Variants in NRXN3 observed in about 807,000 individuals in gnomAD.
NRXN3 encodes the protein neurexin 3.
In NRXN3, 32 loss-of-function variants were observed where a neutral mutation model predicts 137.6. The observed-to-expected ratio is 0.23, with a 90% CI of 0.18 to 0.31. The LOEUF is 0.31. Among genes scored for constraint, NRXN3 ranks in the 10% least tolerant of loss-of-function variants. The probability of loss-of-function intolerance (pLI) is 1.00; values close to 1 mark genes in which losing one functional copy is unlikely to be tolerated. For missense variants in NRXN3, 1,574 were observed against 2,062.5 expected (o/e 0.76, Z 4.59); for synonymous variants, 798 against 784.5 (o/e 1.02, Z -0.29).
chr14:78,753,340 G>A (rs1476008258), intron 8 of NRXN3, among the ~76,000 whole-genome samples: 5 of 152,060 alleles, frequency 3.3e-5, no homozygotes, highest in South Asian at 2.1e-4. Flanking sequence ...GACTTGTATC[G>A]ATTTCCATCA....
intron 15 of NRXN3, among the ~76,000 whole-genome samples, chr14:79,246,364 T>C (rs1183127903): frequency 6.6e-6 from 1 of 152,194 alleles, no homozygotes; most frequent in African/African-American, 2.4e-5. Context: ...AGCGATTACA[T>C]GGAGTTAAAT....
intron 15 of NRXN3, among the ~76,000 whole-genome samples, chr14:79,233,360 G>A (rs1175097057): frequency 6.6e-6 from 1 of 152,172 alleles, no homozygotes; most frequent in Non-Finnish European, 1.5e-5. Context: ...GGTTCACTGG[G>A]AAAGTGCTGG....
chr14:78,729,871 C>T (rs549192314), intron 8 of NRXN3, among the ~76,000 whole-genome samples: 1 of 152,146 alleles, frequency 6.6e-6, no homozygotes, highest in South Asian at 2.1e-4. Flanking sequence ...TGTGGAGGAA[C>T]AAATGAAAGA....
intron 15 of NRXN3, among the ~76,000 whole-genome samples, chr14:79,300,055 C>T (rs183635251): frequency 1.8e-4 from 28 of 152,054 alleles, no homozygotes; most frequent in South Asian, 1.2e-3. Flanking sequence ...AGGTGGAAAG[C>T]GACAAGTATC....
intron 4 of NRXN3, among the ~76,000 whole-genome samples, chr14:78,631,941 G>C (rs1035400286): frequency 2.7e-5 from 4 of 149,408 alleles, no homozygotes; most frequent in African/African-American, 9.9e-5. Flanking sequence ...CCCCGTCTCT[G>C]CTAAAAAAAA....
At chr14:78,675,331 T>C (rs1358022487) in intron 6 of NRXN3, among the ~76,000 whole-genome samples, 1 of 152,144 alleles carries the variant, frequency 6.6e-6, no homozygotes, top group Non-Finnish European at 1.5e-5. Context: ...ATGAGTGGAA[T>C]CTAAAAGTCT....
intron 16 of NRXN3, among the ~76,000 whole-genome samples, chr14:79,519,768 C>CTTTTTTTTTTTTTTTTTTTTTTTT (rs200757761): frequency 1.7e-5 from 2 of 119,396 alleles, no homozygotes; most frequent in Non-Finnish European, 3.6e-5. Flanking sequence ...AATAGTATTT[C>CTTTTTTTTTTTTTTTTTTTTTTTT]TTTTTTTTTT....
At chr14:79,384,850 T>C (rs1296438288) in intron 15 of NRXN3, among the ~76,000 whole-genome samples, 1 of 152,138 alleles carries the variant, frequency 6.6e-6, no homozygotes. Context: ...TTAAATAAAA[T>C]AATGCATGTA....
chr14:79,095,469 T>C (rs1339301118), intron 15 of NRXN3, among the ~76,000 whole-genome samples: 2 of 151,998 alleles, frequency 1.3e-5, no homozygotes, highest in African/African-American at 4.8e-5. Context: ...ATCAAGGAAC[T>C]TCATTCATTC....
At chr14:78,437,177 T>C (rs765456440) in intron 4 of NRXN3, among the ~76,000 whole-genome samples, 2 of 152,152 alleles carry the variant, frequency 1.3e-5, no homozygotes, top group Admixed American at 6.5e-5. Flanking sequence ...TTGTTATTAT[T>C]ACCCTTATAC....
chr14:78,313,410 T>C (rs1389248550), intron 4 of NRXN3, among the ~76,000 whole-genome samples: 1 of 152,210 alleles, frequency 6.6e-6, no homozygotes, highest in Non-Finnish European at 1.5e-5. Context: ...ACTTCTTTCT[T>C]AGAAATGGTT....
At chr14:79,208,059 A>G (rs1383881665) in intron 15 of NRXN3, among the ~76,000 whole-genome samples, 3 of 152,166 alleles carry the variant, frequency 2.0e-5, no homozygotes, top group African/African-American at 7.2e-5. Context: ...TGATTGTTCC[A>G]TACTTTAAAG....
At chr14:79,587,025 G>T (rs925340577) in intron 16 of NRXN3, among the ~76,000 whole-genome samples, 9 of 152,116 alleles carry the variant, frequency 5.9e-5, no homozygotes, top group African/African-American at 1.9e-4. Context: ...TCCCACTGAT[G>T]ACCATTTTAG....
At chr14:79,639,468 T>A (rs915033798) in intron 16 of NRXN3, among the ~76,000 whole-genome samples, 1 of 152,180 alleles carries the variant, frequency 6.6e-6, no homozygotes, top group African/African-American at 2.4e-5. Flanking sequence ...AGTACTAATG[T>A]GGCTTTGTTT....
intron 4 of NRXN3, among the ~76,000 whole-genome samples, chr14:78,333,384 T>G (rs1014663027): frequency 3.9e-5 from 6 of 152,162 alleles, no homozygotes; most frequent in Non-Finnish European, 5.9e-5. Flanking sequence ...TTCTAGGAAT[T>G]GAGGATGTAT....
chr14:79,810,934 A>C (rs1275433646), intron 20 of NRXN3, among the ~76,000 whole-genome samples: 1 of 152,206 alleles, frequency 6.6e-6, no homozygotes, highest in Non-Finnish European at 1.5e-5. Flanking sequence ...TGATGTTTGA[A>C]ATCTTATAGA....
Position 79,861,139 on chromosome 14 carries a change from C to T in NRXN3, c.4094-203C>T. On this transcript the variant is annotated intron_variant, in intron 20 of 20. Coordinates refer to ENST00000335750, the MANE Select transcript of NRXN3 (RefSeq NM_001330195.2). This position sits in a 1 kb window ranked among gnomAD's most constrained non-coding sequence, Gnocchi z 5.4. ...TTACACTCCCCCCTACCTTTCGCCC[C>T]CTCCTCACCATTATTGAGACCACCA... is the stretch of plus-strand genomic sequence containing the variant. 1 of 1,512,648 alleles carries T rather than the reference C, an allele frequency of 6.6e-7. No homozygotes were observed. The highest frequency in any genetic ancestry group is 2.5e-5 in the East Asian group (1 of 40,338). 93.7% of individuals were successfully genotyped at this position (1,512,648 alleles called of 1,614,324 possible).
intron 8 of NRXN3, among the ~76,000 whole-genome samples, chr14:78,736,883 A>G (rs1479526099): frequency 6.6e-6 from 1 of 152,228 alleles, no homozygotes; most frequent in Non-Finnish European, 1.5e-5. Flanking sequence ...GAGCCAGGAT[A>G]TTGCTGTGTG....
At position 78,917,520 on chromosome 14, in the gene NRXN3, A is replaced by G. The variant is rs555724016; in HGVS notation, c.2276-39722A>G. ...GACTATATATAGCCTTATATAAAGG[A>G]CTATATTAAGAATTCTTGTGAGAAG... On this transcript the variant is annotated intron_variant, in intron 10 of 20. Coordinates refer to ENST00000335750, the MANE Select transcript of NRXN3 (RefSeq NM_001330195.2). Among the ~76,000 whole-genome samples the G allele has an allele frequency of 1.4e-4, 22 of 152,350 alleles. No homozygotes were observed. The South Asian group carries it at 4.6e-3, about 32-fold the overall frequency.
Sources: gnomAD v4.1 joint callset for allele counts (sites outside exome capture counted in the v4.1 genomes callset) on GRCh38, gnomAD v4.1.1 for gene constraint, Gnocchi (gnomAD v3.1) non-coding constraint, MANE v1.5 for transcripts, NCBI Gene and HGNC (gene_info 2026-07-23, HGNC 2026-07-21) for gene names.